The following LTBP4 variants were observed in gnomAD, a reference collection of about 807,000 sequenced individuals.
LTBP4 encodes latent transforming growth factor beta binding protein 4, also known as latent-transforming growth factor beta-binding protein 4.
In LTBP4, 93 loss-of-function variants were observed where a neutral mutation model predicts 180.2. That is an observed-to-expected ratio of 0.52 (90% CI 0.44 to 0.61). LTBP4 has a LOEUF of 0.61. Among genes scored for constraint, LTBP4 ranks in the 20% least tolerant of loss-of-function variants. LTBP4 has a pLI of 0.00. For synonymous variants in LTBP4, 947 were observed against 934.5 expected (o/e 1.01, Z -0.24); for missense variants, 2,116 against 2,256.5 (o/e 0.94, Z 1.26).
chr19:40,622,799 G>C lies in LTBP4; in HGVS notation c.3484+132G>C. On this transcript the variant is annotated intron_variant, in intron 23 of 29. Coordinates refer to ENST00000396819, the MANE Select transcript of LTBP4 (RefSeq NM_001042545.2). This position sits in a 1 kb window ranked among gnomAD's most constrained non-coding sequence, Gnocchi z 5.1. Reference sequence around the variant, plus strand: ...AGTACTGTCAGGGCAAGGGCGAGCTGCCAGGCAGGTGGGCATGGGCAGACA... The same window carrying C: ...AGTACTGTCAGGGCAAGGGCGAGCTCCCAGGCAGGTGGGCATGGGCAGACA... 1 of 1,412,494 alleles carries C rather than the reference G, an allele frequency of 7.1e-7. No individual in the cohort carries two copies. The highest frequency in any genetic ancestry group is 9.5e-7 in the Non-Finnish European group (1 of 1,050,534). The allele number at this position is 1,412,494 out of a possible 1,614,324, so 87.5% of individuals were successfully genotyped here.
chr19:40,605,729 T>A lies in LTBP4; in HGVS notation c.691T>A (p.Cys231Ser). The change falls in exon 4 of 30, where the codon TGC becomes AGC. Residue 231 changes from cysteine to serine, a missense_variant and splice_region_variant. By Grantham distance (112) the Cys-to-Ser change is moderately radical. Around this residue, in one of 5 missense-constraint regions of LTBP4, gnomAD observed 469 missense variants for 532.5 expected, o/e 0.88. Coordinates refer to ENST00000396819, the MANE Select transcript of LTBP4 (RefSeq NM_001042545.2). The surrounding 1 kb of genome is among the most constrained non-coding windows in gnomAD (Gnocchi z 5.5). ...YCFRELRGGE[C>S]ASPLPGLRTQ... ...GCGCTCACCCAACACTTCCCCGCAG[T>A]GCGCGTCCCCGCTGCCCGGGCTCCG... 6.5e-7 allele frequency: 1 copy of A among 1,546,562 alleles called. No homozygotes were observed. The highest frequency in any genetic ancestry group is 8.7e-7 in the Non-Finnish European group (1 of 1,146,496).
rs888653482 is a variant in LTBP4, at chr19:40,608,424, A to G, written c.1306+55A>G. 6.9e-5 allele frequency: 110 copies of G among 1,600,600 alleles called. No homozygotes were observed. The African/African-American group carries it at 1.3e-3, about 19-fold the overall frequency. On this transcript the variant is annotated intron_variant, in intron 8 of 29. Coordinates refer to ENST00000396819, the MANE Select transcript of LTBP4 (RefSeq NM_001042545.2). ...ATCTTCAAGGGGCTGCCCCAGCCCC[A>G]TAGTGAAAGGAGGCAAGAGAGGATT...
At position 40,609,857 on chromosome 19, in the gene LTBP4, C is replaced by A; in HGVS notation, c.1670C>A (p.Ala557Asp). ...CGPGFRAGPR[A>D]AECLDVDECH... ...CCGGGCTTCCGAGCCGGCCCACGGG[C>A]TGCGGAATGCCTGGGTGAGAAATTT... The change falls in exon 11 of 30, where the codon GCT (alanine) becomes GAT (aspartate). Residue 557 changes from alanine to aspartate, a missense_variant. Transcript: ENST00000396819. This position sits in a 1 kb window ranked among gnomAD's most constrained non-coding sequence, Gnocchi z 4.9. 1 of 1,579,390 alleles carries A rather than the reference C, an allele frequency of 6.3e-7. No homozygotes were observed. The highest frequency in any genetic ancestry group is 1.1e-5 in the South Asian group (1 of 87,472).
rs1568402545 is a variant in LTBP4, at chr19:40,605,114, C to G, written c.330C>G (p.Gly110=). ...GCCTCTGTCCCCCGGACTTCGCTGGCAAGTTCTGCCAGTTGCACTCCTCGG... is the reference window on the plus strand; with the variant it reads ...GCCTCTGTCCCCCGGACTTCGCTGGGAAGTTCTGCCAGTTGCACTCCTCGG... The part of the protein sequence containing the change: ...DRCLCPPDFA[G]KFCQLHSSGA... Residue 110 remains glycine, a synonymous_variant, in exon 2 of 30, where the codon GGC becomes GGG. Transcript: ENST00000396819. This position sits in a 1 kb window ranked among gnomAD's most constrained non-coding sequence, Gnocchi z 5.5. The G allele has an allele frequency of 6.2e-7, 1 of 1,613,868 alleles. No individual in the cohort carries two copies. The highest frequency in any genetic ancestry group is 8.5e-7 in the Non-Finnish European group (1 of 1,179,864).
rs1414028088 is a variant in LTBP4, at chr19:40,606,229, A to G, written c.794-4A>G. On this transcript the variant is annotated splice_polypyrimidine_tract_variant and splice_region_variant and intron_variant, in intron 4 of 29. Coordinates refer to ENST00000396819, the MANE Select transcript of LTBP4 (RefSeq NM_001042545.2). ...CCTGGCCCACCCCTCTCCTCTCGCC[A>G]CAGGGAACTCCGAAAGAGTGAGCGC... is the stretch of plus-strand genomic sequence containing the variant. 3 of 1,583,784 alleles carry G rather than the reference A, an allele frequency of 1.9e-6. No individual in the cohort carries two copies. The highest frequency in any genetic ancestry group is 3.6e-5 in the Admixed American group (2 of 55,986).
In LTBP4 at chr19:40,605,640, G is replaced by A; in HGVS notation, c.678G>A (p.Leu226=). 6.3e-7 allele frequency: 1 copy of A among 1,575,808 alleles called. No homozygotes were observed. Among genetic ancestry groups the A allele is most frequent in the Non-Finnish European group, 8.6e-7 (1 of 1,161,356 alleles). ...ASGFGYCFRE[L]RGGECASPLP... Reference sequence around the variant, plus strand: ...GCTTCGGTTACTGCTTTCGGGAGCTGCGCGGAGGCGAAGTGAGAGGAGGCC... The same window carrying A: ...GCTTCGGTTACTGCTTTCGGGAGCTACGCGGAGGCGAAGTGAGAGGAGGCC... Residue 226 remains leucine (L), a synonymous_variant, in exon 3 of 30, where the codon CTG becomes CTA. Transcript: ENST00000396819. The surrounding 1 kb of genome is among the most constrained non-coding windows in gnomAD (Gnocchi z 5.5).
At chr19:40,601,334 C>T, upstream of LTBP4, 1 of 992,444 alleles carries the variant, frequency 1.0e-6, no homozygotes, top group Non-Finnish European at 1.2e-6. Flanking sequence ...CGGGTGCGGC[C>T]GGGCCCCTCG....
intron 1 of LTBP4, among the ~76,000 whole-genome samples, chr19:40,601,949 A>AG (rs923580781): frequency 2.0e-5 from 3 of 151,282 alleles, no homozygotes; most frequent in Admixed American, 6.6e-5. Context: ...AACTTTTGGG[A>AG]GGGGGGCTCG....
intron 6 of LTBP4, 103 bp from the exon 7 acceptor site, chr19:40,607,262 C>T: frequency 2.6e-6 from 1 of 384,320 alleles, no homozygotes; most frequent in South Asian, 2.7e-5. Context: ...CACCCACCAA[C>T]CCCCCACCCC....
At chr19:40,595,770 G>GAGTGC (rs1287177436) in intron 1 of LTBP4, among the ~76,000 whole-genome samples, 6 of 151,856 alleles carry the variant, frequency 4.0e-5, no homozygotes, top group East Asian at 1.9e-4. Flanking sequence ...GTCCAGGCTG[G>GAGTGC]AGTGCAGTGC....
intron 26 of LTBP4, 23 bp downstream of exon 26, chr19:40,624,105 G>A: frequency 6.6e-7 from 1 of 1,511,270 alleles, no homozygotes; most frequent in Non-Finnish European, 8.9e-7. Context: ...ACGCCATCCA[G>A]GCCCTCCTTC....
In LTBP4 at chr19:40,613,289, C is replaced by A. The variant is rs147343555; in HGVS notation, c.2431+93C>A. ...GAAAGGTGGAGGCGGGACCAAGGCG[C>A]TGTGGGAGGAGCTTAGAAACCTGGC... On this transcript the variant is annotated intron_variant, in intron 16 of 29. Coordinates refer to ENST00000396819, the MANE Select transcript of LTBP4 (RefSeq NM_001042545.2). The surrounding 1 kb of genome is among the most constrained non-coding windows in gnomAD (Gnocchi z 5.0). The A allele has an allele frequency of 3.5e-3, 5,416 of 1,543,590 alleles. 15 individuals carry two copies. The highest frequency in any genetic ancestry group is 4.4e-3 in the Non-Finnish European group (5,064 of 1,141,640).
chr19:40,606,474 G>A lies in LTBP4; in HGVS notation c.939G>A (p.Thr313=), dbSNP rs951541039. The A allele has an allele frequency of 1.1e-5, 18 of 1,582,076 alleles. No individual in the cohort carries two copies. In the African/African-American group the frequency reaches 1.5e-4, roughly 13 times the overall value. ...GECANTRGGY[T]CVCPDGFLLD... is the part of the protein sequence containing the mutation. Reference sequence around the variant, plus strand: ...GTGCAAACACGCGCGGCGGGTACACGTGTGTGTGCCCCGACGGCTTTCTGC... The same window carrying A: ...GTGCAAACACGCGCGGCGGGTACACATGTGTGTGCCCCGACGGCTTTCTGC... Residue 313 remains threonine, a synonymous_variant, in exon 6 of 30, where the codon ACG becomes ACA. Transcript: ENST00000396819.
At position 40,617,526 on chromosome 19, in the gene LTBP4, C is replaced by T. The variant is rs574479765; in HGVS notation, c.3070+301C>T. ...GGATCTGGTGGCAAATGCCTGTAATCCCAGCTACTCAGGAAGCTGAGGCAC... is the reference window on the plus strand; with the variant it reads ...GGATCTGGTGGCAAATGCCTGTAATTCCAGCTACTCAGGAAGCTGAGGCAC... On this transcript the variant is annotated intron_variant, in intron 21 of 29. Transcript: ENST00000396819. Among the ~76,000 whole-genome samples, 136 of 151,996 alleles carry T rather than the reference C, an allele frequency of 8.9e-4. 1 individual carries two copies. The highest frequency in any genetic ancestry group is 1.5e-3 in the Non-Finnish European group (101 of 67,984).
upstream of LTBP4, chr19:40,600,213 G>A (rs1599857567): frequency 8.4e-7 from 1 of 1,184,484 alleles, no homozygotes; most frequent in East Asian, 3.2e-5. This position sits in a 1 kb window ranked among gnomAD's most constrained non-coding sequence, Gnocchi z 4.4. Flanking sequence ...CTGGGGCGAG[G>A]GGGGTTCCGG....
At chr19:40,594,102 G>A (rs2081379305) in intron 1 of LTBP4, among the ~76,000 whole-genome samples, 1 of 150,406 alleles carries the variant, frequency 6.6e-6, no homozygotes. Context: ...TTCTGGGGGA[G>A]GGGGTGGGGG....
intron 1 of LTBP4, among the ~76,000 whole-genome samples, chr19:40,593,884 C>T (rs1261261451): frequency 6.6e-6 from 1 of 152,014 alleles, no homozygotes; most frequent in Non-Finnish European, 1.5e-5. Flanking sequence ...ACCTCTGCCT[C>T]CCGGGTTCAA....
In LTBP4 at chr19:40,625,273, TATATATATATATATATATATA is replaced by T. The variant is rs2081618341; in HGVS notation, c.3833-583_3833-563del. 1.2e-3 allele frequency among the ~76,000 whole-genome samples: 13 copies of T among 11,096 alleles called. 4 individuals are homozygous for T. Among genetic ancestry groups the T allele is most frequent in the Admixed American group, 9.3e-4 (2 of 2,162 alleles). The allele number at this position is 11,096 out of a possible 152,430, so 7.3% of individuals were successfully genotyped here. A position where few individuals can be genotyped will look rare whatever the true frequency, so the allele number is the denominator to read the frequency against. On this transcript the variant is annotated intron_variant, in intron 26 of 29. Transcript: ENST00000396819. ...GTATTTATATATATATATATATATA[TATATATATATATATATATATA>T]TATATATATATATATATATATATTT...
chr19:40,608,398 C>T (rs530151492), intron 8 of LTBP4, 29 bp downstream of exon 8: 1 of 1,608,326 alleles, frequency 6.2e-7, no homozygotes, highest in South Asian at 1.1e-5. Context: ...AAGTGGGTGC[C>T]ATCTTCAAGG....
Sources: allele counts gnomAD v4.1 joint callset (sites outside exome capture counted in the v4.1 genomes callset), GRCh38; gene constraint gnomAD v4.1.1; regional missense constraint gnomAD v4.1.1; non-coding constraint Gnocchi (gnomAD v3.1); transcripts MANE v1.5; gene names NCBI Gene and HGNC (gene_info 2026-07-23, HGNC 2026-07-21).